The following CCND3 variants were observed in gnomAD, a reference collection of about 807,000 sequenced individuals.
CCND3 encodes cyclin D3, also known as G1/S-specific cyclin-D3.
Under a neutral mutation model 28.7 loss-of-function variants are expected in CCND3, and 9 were observed. That is an observed-to-expected ratio of 0.31 (90% CI 0.19 to 0.55). The LOEUF (loss-of-function observed/expected upper bound fraction) is 0.55, where lower values mean the gene tolerates loss of function less well. CCND3 is among the 20% of genes least tolerant of loss of function. CCND3 has a pLI of 0.93. For synonymous variants in CCND3, 164 were observed against 163.9 expected (o/e 1.00, Z 0.00); for missense variants, 315 against 385.8 (o/e 0.82, Z 1.54).
chr6:42,025,658 G>A (rs1763854812), intron 1 of CCND3, among the ~76,000 whole-genome samples: 1 of 152,206 alleles, frequency 6.6e-6, no homozygotes, highest in African/African-American at 2.4e-5. Flanking sequence ...CACGATGGCG[G>A]GCTCAGAGGT....
At chr6:42,001,226 C>A (rs1406203354) in intron 1 of CCND3, among the ~76,000 whole-genome samples, 1 of 69,974 alleles carries the variant, frequency 1.4e-5, no homozygotes, top group South Asian at 6.7e-4. Context: ...CAGAGCAAGA[C>A]CCCATCTCAA....
At chr6:41,940,664 G>C in intron 1 of CCND3, 79 bp from the exon 2 acceptor site, 1 of 1,023,028 alleles carries the variant, frequency 9.8e-7, no homozygotes, top group South Asian at 1.3e-5. Context: ...GCTGAAGTGA[G>C]GTGGGATAGG....
At chr6:41,995,791 C>T (rs1762782318) in intron 1 of CCND3, among the ~76,000 whole-genome samples, 1 of 151,974 alleles carries the variant, frequency 6.6e-6, no homozygotes. Context: ...CAGTGGCTCA[C>T]GCCTGCAATC....
At chr6:41,976,815 C>T (rs1234759492) in intron 1 of CCND3, among the ~76,000 whole-genome samples, 1 of 152,150 alleles carries the variant, frequency 6.6e-6, no homozygotes, top group Non-Finnish European at 1.5e-5. Context: ...AGACTCACCT[C>T]AATGACGCCT....
intron 1 of CCND3, among the ~76,000 whole-genome samples, chr6:41,950,809 C>T (rs966547449): frequency 4.0e-5 from 6 of 151,392 alleles, no homozygotes; most frequent in South Asian, 2.1e-4. Flanking sequence ...CCCAGGTTCA[C>T]GCCATTCTCC....
chr6:41,937,196 A>G (rs753175357), intron 3 of CCND3, 39 bp downstream of exon 3: 1 of 1,610,976 alleles, frequency 6.2e-7, no homozygotes, highest in Non-Finnish European at 8.5e-7. Context: ...AAGTCTTCTG[A>G]TTTTTCCAAT....
In CCND3 at chr6:41,941,424, G is replaced by T. The variant is rs756643151; in HGVS notation, c.198+28C>A. 3.7e-6 allele frequency: 6 copies of T among 1,605,072 alleles called. No individual in the cohort carries two copies. The highest frequency in any genetic ancestry group is 2.3e-4 in the Middle Eastern group (1 of 4,414). ...CGGTGTGTCCAGACCCGGGAGCGGT[G>T]GGGGAGGGGGACGCGTCCGGGCGGT... On this transcript the variant is annotated intron_variant, in intron 1 of 4. Coordinates refer to ENST00000372991, the MANE Select transcript of CCND3 (RefSeq NM_001760.5). The surrounding 1 kb of genome is among the most constrained non-coding windows in gnomAD (Gnocchi z 6.1).
At chr6:41,943,614 G>C (rs1370277331), upstream of CCND3, among the ~76,000 whole-genome samples, 6 of 152,088 alleles carry the variant, frequency 3.9e-5, no homozygotes, top group Non-Finnish European at 8.8e-5. Flanking sequence ...ATTATTTCTA[G>C]AAGTGAATTA....
At chr6:42,001,354 A>G (rs1225301069) in intron 1 of CCND3, among the ~76,000 whole-genome samples, 1 of 152,106 alleles carries the variant, frequency 6.6e-6, no homozygotes, top group East Asian at 1.9e-4. Context: ...AAACATCCCA[A>G]ATGTCTATCA....
At chr6:41,993,657 A>G (rs1333532784) in intron 1 of CCND3, among the ~76,000 whole-genome samples, 1 of 151,126 alleles carries the variant, frequency 6.6e-6, no homozygotes, top group Non-Finnish European at 1.5e-5. Flanking sequence ...TGATCCGCCC[A>G]CCTCGGCCTC....
At chr6:41,949,287 G>T (rs1776246563) in intron 1 of CCND3, among the ~76,000 whole-genome samples, 1 of 151,888 alleles carries the variant, frequency 6.6e-6, no homozygotes, top group Non-Finnish European at 1.5e-5. Flanking sequence ...TTCAAGACCA[G>T]CGAGGCCAGG....
In CCND3 at chr6:42,016,587, C is replaced by T. The variant is rs200800079; in HGVS notation, c.-46+31914G>A. Among the ~76,000 whole-genome samples, 7 of 9,508 alleles carry T rather than the reference C, an allele frequency of 7.4e-4. 3 individuals carry two copies. The highest frequency in any genetic ancestry group is 3.0e-3 in the Non-Finnish European group (6 of 2,032). 6.2% of individuals were successfully genotyped at this position (9,508 alleles called of 152,430 possible). ...GATAAATGTTAGCTGCTATTACTAT[C>T]TATTACTTTTTTTTTTTTTTTTTGA... On this transcript the variant is annotated intron_variant, in intron 1 of 4. Coordinates refer to the CCND3 transcript ENST00000372988.
intron 1 of CCND3, among the ~76,000 whole-genome samples, chr6:41,997,327 T>C (rs947120537): frequency 3.3e-5 from 5 of 152,144 alleles, no homozygotes; most frequent in African/African-American, 9.7e-5. Context: ...GAGTAACTAG[T>C]TGGCACCTTA....
intron 1 of CCND3, among the ~76,000 whole-genome samples, chr6:41,964,335 TGTGTGAATGTGTGTGA>T (rs1337321953): frequency 1.3e-5 from 2 of 149,540 alleles, no homozygotes; most frequent in African/African-American, 5.1e-5. Context: ...TGTGAATGTG[TGTGTGAATGTGTGTGA>T]GTCTGTGTGT....
chr6:41,940,321 A>G lies in CCND3; in HGVS notation c.414+49T>C, dbSNP rs540042873. 28 of 1,489,926 alleles carry G rather than the reference A, an allele frequency of 1.9e-5. No homozygotes were observed. The East Asian group carries it at 6.3e-4, about 34-fold the overall frequency. 92.3% of individuals were successfully genotyped at this position (1,489,926 alleles called of 1,614,324 possible). A position where few individuals can be genotyped will look rare whatever the true frequency, so the allele number is the denominator to read the frequency against. On this transcript the variant is annotated intron_variant, in intron 2 of 4. Coordinates refer to ENST00000372991, the MANE Select transcript of CCND3 (RefSeq NM_001760.5). ...ATATCTCAAGCTTTCCTTTTCCTGG[A>G]AAGTGGGGAGACAATACGTGTCGGG... is the stretch of plus-strand genomic sequence containing the variant.
chr6:42,037,880 A>T lies in CCND3; in HGVS notation c.-46+10621T>A, dbSNP rs531451399. Among the ~76,000 whole-genome samples, 14 of 151,868 alleles carry T rather than the reference A, an allele frequency of 9.2e-5. No individual in the cohort carries two copies. The East Asian group carries it at 2.7e-3, about 30-fold the overall frequency. ...ACCCTGTCTCTAATAAAAATACAAA[A>T]ATTAGCTGGGTGTGGTCGCACATGC... On this transcript the variant is annotated intron_variant, in intron 1 of 4. Transcript: ENST00000372988.
Position 41,935,383 on chromosome 6 carries a change from AGCTTCTCT to A in CCND3, c.*549_*556del. 4.2e-6 allele frequency: 1 copy of A among 239,600 alleles called. No homozygotes were observed. Among genetic ancestry groups the A allele is most frequent in the East Asian group, 6.0e-5 (1 of 16,696 alleles). The allele number at this position is 239,600 out of a possible 1,614,324, so 14.8% of individuals were successfully genotyped here. On this transcript the variant is annotated 3_prime_UTR_variant, in exon 5 of 5. Transcript: ENST00000372991. ...GAAAGCAAAGCAAAGAGGAATTTAT[AGCTTCTCT>A]GGCTGAGGCCTAGGCCCCTCCCTCT...
At chr6:42,030,105 G>C (rs769501164) in intron 1 of CCND3, 1 of 152,252 alleles carries the variant, frequency 6.6e-6, no homozygotes, top group Non-Finnish European at 1.5e-5. Context: ...ACATCTTCAG[G>C]ATATGGAGGG....
At chr6:41,971,740 G>A (rs1762036576) in intron 1 of CCND3, among the ~76,000 whole-genome samples, 1 of 150,586 alleles carries the variant, frequency 6.6e-6, no homozygotes, top group Admixed American at 6.6e-5. Context: ...GGGTTTCGCC[G>A]TGTTGGCCAA....
Sources: allele counts gnomAD v4.1 joint callset (sites outside exome capture counted in the v4.1 genomes callset), GRCh38; gene constraint gnomAD v4.1.1; non-coding constraint Gnocchi (gnomAD v3.1); transcripts MANE v1.5; gene names NCBI Gene and HGNC (gene_info 2026-07-23, HGNC 2026-07-21).